Variants in IQCH observed in about 807,000 individuals in gnomAD.
IQCH encodes IQ motif containing H.
In IQCH, 98 loss-of-function variants were observed where a neutral mutation model predicts 117.0. That is an observed-to-expected ratio of 0.84 (90% confidence interval 0.71 to 0.99). IQCH has a LOEUF of 0.99. Ranked by LOEUF, IQCH falls within the 50% of genes least tolerant of loss-of-function variation. The pLI is 0.00. For synonymous variants in IQCH, 412 were observed against 448.2 expected (o/e 0.92, Z 1.02); for missense variants, 1,102 against 1,243.8 (o/e 0.89, Z 1.72).
chr15:67,490,131 T>C lies in IQCH; in HGVS notation c.2861+67T>C. 1.9e-6 allele frequency: 2 copies of C among 1,033,414 alleles called. No individual in the cohort carries two copies. The highest frequency in any genetic ancestry group is 1.5e-6 in the Non-Finnish European group (1 of 662,418). 64.0% of individuals were successfully genotyped at this position (1,033,414 alleles called of 1,614,324 possible). A position where few individuals can be genotyped will look rare whatever the true frequency, so the allele number is the denominator to read the frequency against. On this transcript the variant is annotated intron_variant, in intron 19 of 20. Coordinates refer to ENST00000335894, the MANE Select transcript of IQCH (RefSeq NM_001031715.3). This position sits in a 1 kb window ranked among gnomAD's most constrained non-coding sequence, Gnocchi z 4.9. ...AATAGACAATCACAACTAACAAGAATGATGCTTCTCATGCATTTTAATCAG... is the reference window on the plus strand; with the variant it reads ...AATAGACAATCACAACTAACAAGAACGATGCTTCTCATGCATTTTAATCAG...
rs2083108539 is a variant in IQCH, at chr15:67,472,966, A to C, written c.2677-2730A>C. The stretch of plus-strand genomic sequence containing the variant: ...ACATGTTGTCTAGTAATCATGTACT[A>C]CTGGACAGTAAGCTCTTCTGCTGTG... On this transcript the variant is annotated intron_variant, in intron 17 of 20. Coordinates refer to ENST00000335894, the MANE Select transcript of IQCH (RefSeq NM_001031715.3). This position sits in a 1 kb window ranked among gnomAD's most constrained non-coding sequence, Gnocchi z 4.3. Among the ~76,000 whole-genome samples, 1 of 152,158 alleles carries C rather than the reference A, an allele frequency of 6.6e-6. No homozygotes were observed.
rs1459743164 is a variant in IQCH, at chr15:67,407,973, G to C, written c.2097+7668G>C. 1 of 152,214 alleles carries C rather than the reference G, an allele frequency of 6.6e-6. No homozygotes were observed. The highest frequency in any genetic ancestry group is 6.5e-5 in the Admixed American group (1 of 15,268). The allele number at this position is 152,214 out of a possible 1,614,324, so 9.4% of individuals were successfully genotyped here. On this transcript the variant is annotated intron_variant, in intron 14 of 20. Coordinates refer to ENST00000335894, the MANE Select transcript of IQCH (RefSeq NM_001031715.3). This position sits in a 1 kb window ranked among gnomAD's most constrained non-coding sequence, Gnocchi z 5.3. ...GCCAAGGTCTATTGTACAAGGCAGA[G>C]AAAAGGAGGTTTAAATGTTACTCCC...
At position 67,411,900 on chromosome 15, in the gene IQCH, T is replaced by C. The variant is rs2081460514; in HGVS notation, c.2098-5031T>C. ...AGCAAGAGGCAAGTTACATACTTGG[T>C]AGACAAGAATCTCTGGGGTGCATCG... On this transcript the variant is annotated intron_variant, in intron 14 of 20. Coordinates refer to ENST00000335894, the MANE Select transcript of IQCH (RefSeq NM_001031715.3). This position sits in a 1 kb window ranked among gnomAD's most constrained non-coding sequence, Gnocchi z 4.4. 6.6e-6 allele frequency among the ~76,000 whole-genome samples: 1 copy of C among 152,218 alleles called. No individual in the cohort carries two copies. Among genetic ancestry groups the C allele is most frequent in the African/African-American group, 2.4e-5 (1 of 41,452 alleles).
intron 5 of IQCH, among the ~76,000 whole-genome samples, chr15:67,339,811 A>G (rs1321214625): frequency 2.6e-5 from 4 of 152,210 alleles, no homozygotes; most frequent in African/African-American, 4.8e-5. Context: ...CATTTACCAT[A>G]TAAGCCACCT....
chr15:67,400,910 A>T (rs750164136), intron 14 of IQCH, among the ~76,000 whole-genome samples: 1 of 152,162 alleles, frequency 6.6e-6, no homozygotes, highest in African/African-American at 2.4e-5. Flanking sequence ...TACAAATCTT[A>T]TAATTTGCCC....
chr15:67,307,211 T>C (rs954874244), intron 4 of IQCH: 2 of 812,480 alleles, frequency 2.5e-6, no homozygotes, highest in Non-Finnish European at 3.0e-6. Context: ...AATATATATA[T>C]AATGCAATGT....
At chr15:67,260,177 C>A (rs1965400100) in intron 1 of IQCH, among the ~76,000 whole-genome samples, 1 of 152,290 alleles carries the variant, frequency 6.6e-6, no homozygotes, top group African/African-American at 2.4e-5. Flanking sequence ...ATTTGCATAA[C>A]AAAATGTTTT....
intron 4 of IQCH, among the ~76,000 whole-genome samples, chr15:67,291,315 A>T (rs1004859170): frequency 2.0e-5 from 3 of 152,186 alleles, no homozygotes; most frequent in Non-Finnish European, 4.4e-5. Context: ...TACCTGGCAC[A>T]TGGTAAAGTG....
In IQCH at chr15:67,424,165, T is replaced by C. The variant is rs1333552650; in HGVS notation, c.2505+2588T>C. Among the ~76,000 whole-genome samples the C allele has an allele frequency of 6.6e-6, 1 of 152,128 alleles. No homozygotes were observed. The highest frequency in any genetic ancestry group is 1.9e-4 in the East Asian group (1 of 5,180). On this transcript the variant is annotated intron_variant, in intron 16 of 20. Coordinates refer to ENST00000335894, the MANE Select transcript of IQCH (RefSeq NM_001031715.3). This position sits in a 1 kb window ranked among gnomAD's most constrained non-coding sequence, Gnocchi z 4.9. ...TAACTTGCCCTCTGTTTTGTTCTGG[T>C]CCATCCACACACCCTGTCTCATTCC...
At position 67,405,390 on chromosome 15, in the gene IQCH, G is replaced by GTCATCATCATCATCA. The variant is rs59177913; in HGVS notation, c.2097+5110_2097+5124dup. 6.5e-6 allele frequency: 1 copy of GTCATCATCATCATCA among 154,194 alleles called. No homozygotes were observed. The highest frequency in any genetic ancestry group is 1.9e-4 in the East Asian group (1 of 5,398). 9.6% of individuals were successfully genotyped at this position (154,194 alleles called of 1,614,324 possible). A position where few individuals can be genotyped will look rare whatever the true frequency, so the allele number is the denominator to read the frequency against. ...TGTTGACATTTCCTTGTATTTCTTT[G>GTCATCATCATCATCA]TCATCATCATCATCATCATCATCAT... On this transcript the variant is annotated intron_variant, in intron 14 of 20. Transcript: ENST00000335894. The surrounding 1 kb of genome is among the most constrained non-coding windows in gnomAD (Gnocchi z 4.8).
chr15:67,448,157 CTGTGTG>C (rs113292992), intron 16 of IQCH, among the ~76,000 whole-genome samples: 1 of 147,680 alleles, frequency 6.8e-6, no homozygotes, highest in Non-Finnish European at 1.5e-5. Context: ...CTAAGTGACT[CTGTGTG>C]TGTGTGTGTG....
chr15:67,483,771 C>A (rs2083400742), intron 18 of IQCH, among the ~76,000 whole-genome samples: 1 of 152,098 alleles, frequency 6.6e-6, no homozygotes, highest in Middle Eastern at 3.2e-3. Context: ...CAAGGGTGAT[C>A]AAAGGGAAGT....
At chr15:67,397,165 AAAC>A in intron 13 of IQCH, among the ~76,000 whole-genome samples, 1 of 152,392 alleles carries the variant, frequency 6.6e-6, no homozygotes, top group South Asian at 2.1e-4. Flanking sequence ...ACTATACATT[AAAC>A]AACCTTCAAA....
chr15:67,490,154 C>G lies in IQCH; in HGVS notation c.2861+90C>G. The G allele has an allele frequency of 1.1e-6, 1 of 873,792 alleles. No homozygotes were observed. Among genetic ancestry groups the G allele is most frequent in the South Asian group, 1.4e-5 (1 of 69,804 alleles). The allele number at this position is 873,792 out of a possible 1,614,324, so 54.1% of individuals were successfully genotyped here. On this transcript the variant is annotated intron_variant, in intron 19 of 20. Transcript: ENST00000335894. This position sits in a 1 kb window ranked among gnomAD's most constrained non-coding sequence, Gnocchi z 4.9. The stretch of plus-strand genomic sequence containing the variant: ...AATGATGCTTCTCATGCATTTTAAT[C>G]AGCATGCTGATTTATTAGAAGTCTA...
chr15:67,284,604 C>T (rs1295633145), intron 4 of IQCH, among the ~76,000 whole-genome samples: 1 of 152,168 alleles, frequency 6.6e-6, no homozygotes, highest in Non-Finnish European at 1.5e-5. Flanking sequence ...CTGATCCTCT[C>T]CCTTCTTCCA....
rs868312278 is a variant in IQCH, at chr15:67,479,578, C to G, written c.2799+3760C>G. Among the ~76,000 whole-genome samples the G allele has an allele frequency of 7.9e-5, 12 of 152,088 alleles. No individual in the cohort carries two copies. Among genetic ancestry groups the G allele is most frequent in the Non-Finnish European group, 1.8e-4 (12 of 68,020 alleles). On this transcript the variant is annotated intron_variant, in intron 18 of 20. Coordinates refer to ENST00000335894, the MANE Select transcript of IQCH (RefSeq NM_001031715.3). The surrounding 1 kb of genome is among the most constrained non-coding windows in gnomAD (Gnocchi z 4.6). Reference sequence around the variant, plus strand: ...CTTTTCATAGCCCCTATGACTATCTCTACATTAAAAAGGAGAAAAAAAAGT... The same window carrying G: ...CTTTTCATAGCCCCTATGACTATCTGTACATTAAAAAGGAGAAAAAAAAGT...
At chr15:67,293,376 T>G (rs750386290) in intron 4 of IQCH, among the ~76,000 whole-genome samples, 1 of 152,138 alleles carries the variant, frequency 6.6e-6, no homozygotes, top group Non-Finnish European at 1.5e-5. Flanking sequence ...TGATCTCCCT[T>G]GGATACTAAA....
At chr15:67,497,208 G>A (rs992433572) in intron 20 of IQCH, among the ~76,000 whole-genome samples, 2 of 151,920 alleles carry the variant, frequency 1.3e-5, no homozygotes, top group African/African-American at 4.8e-5. Context: ...GCACACACCT[G>A]TGGTTCCAGC....
In IQCH at chr15:67,373,347, A is replaced by G. The variant is rs771063515; in HGVS notation, c.1306-20A>G. On this transcript the variant is annotated intron_variant, in intron 9 of 20. Transcript: ENST00000335894. Reference sequence around the variant, plus strand: ...CACTACAGCTTCCTGTCACTGATCAATGCTCTTCTTGATTTTTAGCATCTG... The same window carrying G: ...CACTACAGCTTCCTGTCACTGATCAGTGCTCTTCTTGATTTTTAGCATCTG... 4 of 1,588,876 alleles carry G rather than the reference A, an allele frequency of 2.5e-6. No homozygotes were observed. Among genetic ancestry groups the G allele is most frequent in the South Asian group, 2.2e-5 (2 of 90,552 alleles).
Sources: allele counts gnomAD v4.1 joint callset (sites outside exome capture counted in the v4.1 genomes callset), GRCh38; gene constraint gnomAD v4.1.1; non-coding constraint Gnocchi (gnomAD v3.1); transcripts MANE v1.5; gene names NCBI Gene and HGNC (gene_info 2026-07-23, HGNC 2026-07-21).